CADPS2: variants seen among roughly 807,000 people sequenced by gnomAD.
CADPS2 encodes calcium-dependent secretion activator 2.
A neutral mutation model predicts 172.5 loss-of-function variants in CADPS2; 93 were observed. The ratio of observed to expected loss-of-function variants is 0.54; its 90% CI spans 0.46 to 0.64. The LOEUF is 0.64. Ranked by LOEUF, CADPS2 falls within the 30% of genes least tolerant of loss-of-function variation. CADPS2 has a pLI of 0.00. For missense variants in CADPS2, 1,420 were observed against 1,565.9 expected, an observed-to-expected ratio of 0.91 and a Z score of 1.57; for synonymous variants, 546 against 555.2, an observed-to-expected ratio of 0.98 and a Z score of 0.23.
intron 3 of CADPS2, among the ~76,000 whole-genome samples, chr7:122,643,432 G>A (rs564428511): frequency 6.6e-6 from 1 of 152,264 alleles, no homozygotes; most frequent in African/African-American, 2.4e-5. Flanking sequence ...GTCCTCAGCT[G>A]TTCTAGGCTT....
intron 1 of CADPS2, among the ~76,000 whole-genome samples, chr7:122,812,931 G>A (rs1800390259): frequency 6.6e-6 from 1 of 152,130 alleles, no homozygotes; most frequent in South Asian, 2.1e-4. Flanking sequence ...CACATCGGAT[G>A]TTTTTAGTTC....
chr7:122,445,228 T>C (rs2051994275), intron 15 of CADPS2, among the ~76,000 whole-genome samples: 1 of 152,178 alleles, frequency 6.6e-6, no homozygotes. Context: ...ATCAGGTTAA[T>C]TTCTAAAAAA....
intron 1 of CADPS2, among the ~76,000 whole-genome samples, chr7:122,816,412 T>G (rs1251759442): frequency 6.6e-6 from 1 of 152,214 alleles, no homozygotes; most frequent in Admixed American, 6.5e-5. Flanking sequence ...TGTGGGTACA[T>G]GTGCACATTT....
intron 20 of CADPS2, among the ~76,000 whole-genome samples, chr7:122,401,631 A>T (rs564340985): frequency 2.8e-4 from 43 of 152,300 alleles, no homozygotes; most frequent in African/African-American, 1.0e-3. Flanking sequence ...GAAAACATTT[A>T]TCTTCCCTCA....
At chr7:122,721,316 G>C (rs1243759405) in intron 2 of CADPS2, among the ~76,000 whole-genome samples, 1 of 151,994 alleles carries the variant, frequency 6.6e-6, no homozygotes, top group African/African-American at 2.4e-5. Flanking sequence ...GAAGAAAAGA[G>C]AGAAGAATCA....
At chr7:122,782,042 G>T (rs1458945495) in intron 1 of CADPS2, among the ~76,000 whole-genome samples, 2 of 151,940 alleles carry the variant, frequency 1.3e-5, no homozygotes, top group African/African-American at 2.4e-5. Context: ...TGCTTATCTT[G>T]CTGAATTTCT....
At chr7:122,875,385 G>A (rs1820937456) in intron 1 of CADPS2, among the ~76,000 whole-genome samples, 1 of 151,908 alleles carries the variant, frequency 6.6e-6, no homozygotes, top group East Asian at 1.9e-4. Context: ...CTAAGAGACT[G>A]GAATCAAAAC....
At chr7:122,449,720 G>C (rs144175639) in intron 15 of CADPS2, among the ~76,000 whole-genome samples, 1 of 152,274 alleles carries the variant, frequency 6.6e-6, no homozygotes, top group Non-Finnish European at 1.5e-5. Context: ...TTCAGGCAGA[G>C]AATTCAATCT....
At chr7:122,475,268 A>C (rs959649913) in intron 12 of CADPS2, among the ~76,000 whole-genome samples, 4 of 152,182 alleles carry the variant, frequency 2.6e-5, no homozygotes, top group Admixed American at 2.6e-4. Flanking sequence ...TATAGAGAGA[A>C]AAAGCCACAC....
chr7:122,323,016 T>C (rs1454865500), intron 29 of CADPS2, among the ~76,000 whole-genome samples: 1 of 152,174 alleles, frequency 6.6e-6, no homozygotes, highest in Non-Finnish European at 1.5e-5. Context: ...TCTCTACATG[T>C]GTTATTCAAC....
intron 6 of CADPS2, among the ~76,000 whole-genome samples, chr7:122,596,231 A>G (rs2071757973): frequency 6.6e-6 from 1 of 152,144 alleles, no homozygotes; most frequent in Non-Finnish European, 1.5e-5. Context: ...AAGCTCAAGA[A>G]CATTTAAGCT....
chr7:122,794,111 C>A (rs1204665381), intron 1 of CADPS2, among the ~76,000 whole-genome samples: 1 of 151,926 alleles, frequency 6.6e-6, no homozygotes, highest in Non-Finnish European at 1.5e-5. Flanking sequence ...TGTGGATGAT[C>A]TTCTTGCTTC....
chr7:122,457,598 G>T (rs1355512881), intron 14 of CADPS2, among the ~76,000 whole-genome samples: 1 of 152,132 alleles, frequency 6.6e-6, no homozygotes, highest in Non-Finnish European at 1.5e-5. Context: ...TGATAGTAAA[G>T]AAATCTGTTT....
intron 2 of CADPS2, among the ~76,000 whole-genome samples, chr7:122,705,504 ATATTATC>A (rs199648653): frequency 0.052 from 6,302 of 121,906 alleles, 432 homozygotes; most frequent in South Asian, 0.14. Flanking sequence ...TCTATATTAT[ATATTATC>A]TATATTTATA....
intron 11 of CADPS2, among the ~76,000 whole-genome samples, chr7:122,485,214 C>T (rs1015109900): frequency 7.9e-5 from 12 of 152,178 alleles, no homozygotes; most frequent in African/African-American, 2.9e-4. Context: ...ATCCCATCTC[C>T]CTCACTTTAA....
At position 122,541,832 on chromosome 7, in the gene CADPS2, C is replaced by CATATATATTTATAT. The variant is rs5887098; in HGVS notation, c.1475+12717_1475+12718insATATAAATATATAT. ...TTATATATTCATATGTTTATATATT[C>CATATATATTTATAT]ATATGTTTATATATTCATATATATT... On this transcript the variant is annotated intron_variant, in intron 8 of 29. Transcript: ENST00000449022. 4.3e-3 allele frequency among the ~76,000 whole-genome samples: 394 copies of CATATATATTTATAT among 91,426 alleles called. 2 individuals are homozygous for CATATATATTTATAT. Among genetic ancestry groups the CATATATATTTATAT allele is most frequent in the Admixed American group, 0.01 (97 of 9,498 alleles). The allele number at this position is 91,426 out of a possible 152,430, so 60.0% of individuals were successfully genotyped here.
At chr7:122,376,658 G>C (rs563993500) in intron 25 of CADPS2, among the ~76,000 whole-genome samples, 68 of 152,110 alleles carry the variant, frequency 4.5e-4, no homozygotes, top group Admixed American at 1.6e-3. Context: ...TACAGCATAG[G>C]GCCTATAGAA....
chr7:122,658,310 A>C (rs1340363633), intron 3 of CADPS2, among the ~76,000 whole-genome samples: 4 of 152,218 alleles, frequency 2.6e-5, no homozygotes, highest in Non-Finnish European at 4.4e-5. Context: ...AACTAGTTCA[A>C]CCACTGTGAA....
intron 6 of CADPS2, among the ~76,000 whole-genome samples, chr7:122,594,122 CAA>C (rs753495852): frequency 1.7e-4 from 26 of 151,870 alleles, no homozygotes; most frequent in Admixed American, 3.9e-4. Context: ...AAAGATAACA[CAA>C]AGTTATTTGT....
Sources: allele counts gnomAD v4.1 joint callset (sites outside exome capture counted in the v4.1 genomes callset), GRCh38; gene constraint gnomAD v4.1.1; transcripts MANE v1.5; gene names NCBI Gene and HGNC (gene_info 2026-07-23, HGNC 2026-07-21).